The following THSD4 variants were observed in gnomAD, a reference collection of about 807,000 sequenced individuals.
THSD4 encodes the protein thrombospondin type 1 domain containing 4.
In THSD4, 69 loss-of-function variants were observed where a neutral mutation model predicts 119.0. The ratio of observed to expected loss-of-function variants is 0.58; its 90% CI spans 0.48 to 0.71. The LOEUF is 0.71. THSD4 is among the 30% of genes least tolerant of loss of function. The pLI is 0.00. For missense variants in THSD4, 1,393 were observed against 1,391.1 expected, an observed-to-expected ratio of 1.00 and a Z score of -0.02; for synonymous variants, 524 against 540.4, an observed-to-expected ratio of 0.97 and a Z score of 0.42.
At chr15:71,503,037 G>T (rs2048134712) in intron 7 of THSD4, among the ~76,000 whole-genome samples, 1 of 149,074 alleles carries the variant, frequency 6.7e-6, no homozygotes, top group Non-Finnish European at 1.5e-5. Context: ...AATTCTGTGG[G>T]TGCCATCAAT....
At position 71,574,853 on chromosome 15, in the gene THSD4, G is replaced by A. The variant is rs116472827; in HGVS notation, c.1153-85677G>A. Among the ~76,000 whole-genome samples the A allele has an allele frequency of 2.3e-3, 346 of 152,190 alleles. 4 individuals are homozygous for A. The highest frequency in any genetic ancestry group is 0.016 in the South Asian group (75 of 4,802). ...AGCCATTTTTGTAATCTACCATAGC[G>A]ATTGCCTGAAACTGTTACAATCTAG... On this transcript the variant is annotated intron_variant, in intron 7 of 17. Coordinates refer to ENST00000261862, the MANE Select transcript of THSD4 (RefSeq NM_024817.3).
At chr15:71,111,877 G>T, upstream of THSD4, 1 of 548,224 alleles carries the variant, frequency 1.8e-6, no homozygotes, top group Non-Finnish European at 3.2e-6. Flanking sequence ...AGAACTCTAG[G>T]CCCAAGAGAT....
chr15:71,692,439 C>T (rs557993609), intron 8 of THSD4, among the ~76,000 whole-genome samples: 1 of 152,228 alleles, frequency 6.6e-6, no homozygotes, highest in East Asian at 1.9e-4. Context: ...TATATTCTTC[C>T]ACTGTAGATT....
chr15:71,652,016 A>T (rs1167143745), intron 7 of THSD4, among the ~76,000 whole-genome samples: 2 of 152,224 alleles, frequency 1.3e-5, no homozygotes, highest in African/African-American at 4.8e-5. Flanking sequence ...GCATTGGTAG[A>T]CACAGGCCAT....
intron 6 of THSD4, among the ~76,000 whole-genome samples, chr15:71,346,537 G>A (rs1748855491): frequency 6.6e-6 from 1 of 152,136 alleles, no homozygotes; most frequent in Non-Finnish European, 1.5e-5. Context: ...CACTCTTTGA[G>A]CACTTCTTCA....
At chr15:71,745,816 TG>T (rs1172539908) in intron 12 of THSD4, among the ~76,000 whole-genome samples, 4 of 152,192 alleles carry the variant, frequency 2.6e-5, no homozygotes, top group African/African-American at 9.7e-5. Flanking sequence ...GGCTAATTTT[TG>T]TATTTTTTGT....
rs189908755 is a variant in THSD4 at position 71,706,671 on chromosome 15, A to G, written c.1358-21878A>G. Among the ~76,000 whole-genome samples the G allele has an allele frequency of 2.6e-5, 4 of 152,270 alleles. No individual in the cohort carries two copies. The East Asian group carries it at 7.7e-4, about 29-fold the overall frequency. On this transcript the variant is annotated intron_variant, in intron 8 of 17. Coordinates refer to ENST00000261862, the MANE Select transcript of THSD4 (RefSeq NM_024817.3). ...AGAATGCAATGCCCTGGAGGTGAAG[A>G]TGAGAGATTTGGGGAGAAGCAGTCT...
intron 7 of THSD4, among the ~76,000 whole-genome samples, chr15:71,513,925 T>C (rs1260036500): frequency 1.3e-5 from 2 of 152,310 alleles, no homozygotes; most frequent in African/African-American, 2.4e-5. Flanking sequence ...CACACAAGAA[T>C]TGATCTGTAA....
chr15:71,554,791 G>T (rs1008007731), intron 7 of THSD4, among the ~76,000 whole-genome samples: 1 of 151,756 alleles, frequency 6.6e-6, no homozygotes, highest in Non-Finnish European at 1.5e-5. Flanking sequence ...TTAGTGGAGT[G>T]ATGGTATTTG....
At chr15:71,615,638 G>T (rs2050307353) in intron 7 of THSD4, among the ~76,000 whole-genome samples, 1 of 152,032 alleles carries the variant, frequency 6.6e-6, no homozygotes, top group African/African-American at 2.4e-5. Context: ...TAGGCCCCAA[G>T]AATAATGTTA....
rs2053992925 is a variant in THSD4 at position 71,781,196 on chromosome 15, G to A, written c.*3822G>A. On this transcript the variant is annotated 3_prime_UTR_variant, in exon 18 of 18. Transcript: ENST00000261862. ...GGTGACGTGAAGTTGAAGAGCCAAT[G>A]GCTTGGGTGACACGTGCTGGATCCA... 3 of 166,784 alleles carry A rather than the reference G, an allele frequency of 1.8e-5. No homozygotes were observed. Among genetic ancestry groups the A allele is most frequent in the Admixed American group, 5.9e-5 (1 of 17,064 alleles). 10.3% of individuals were successfully genotyped at this position (166,784 alleles called of 1,614,324 possible). A position where few individuals can be genotyped will look rare whatever the true frequency, so the allele number is the denominator to read the frequency against.
At chr15:71,467,531 T>G (rs2047517228) in intron 7 of THSD4, among the ~76,000 whole-genome samples, 1 of 152,210 alleles carries the variant, frequency 6.6e-6, no homozygotes, top group Admixed American at 6.5e-5. Flanking sequence ...TCTTTTCTTG[T>G]CCCTGTGTCT....
chr15:71,226,427 T>C (rs554498663), intron 4 of THSD4, among the ~76,000 whole-genome samples: 50 of 152,300 alleles, frequency 3.3e-4, no homozygotes, highest in African/African-American at 1.2e-3. Flanking sequence ...AAAGGTTCGT[T>C]CATTTTGAAA....
intron 8 of THSD4, among the ~76,000 whole-genome samples, chr15:71,688,292 C>CTTTTTTTTTTTTTTTTTTTTTT (rs1567101664): frequency 6.6e-6 from 1 of 152,188 alleles, no homozygotes; most frequent in East Asian, 1.9e-4. Flanking sequence ...AGAACATTTT[C>CTTTTTTTTTTTTTTTTTTTTTT]CTTTCAGCCT....
intron 6 of THSD4, among the ~76,000 whole-genome samples, chr15:71,329,983 A>G (rs1406422519): frequency 6.6e-5 from 10 of 151,886 alleles, no homozygotes; most frequent in Admixed American, 6.6e-4. Flanking sequence ...GGGAGGATGA[A>G]GTGGGAGGAT....
At chr15:71,099,608 A>G (rs1335573921) in intron 1 of THSD4, among the ~76,000 whole-genome samples, 2 of 152,076 alleles carry the variant, frequency 1.3e-5, no homozygotes, top group Non-Finnish European at 2.9e-5. Context: ...ATTAGTGATT[A>G]TATGGTTTAG....
chr15:71,572,938 G>A (rs931517759), intron 7 of THSD4, among the ~76,000 whole-genome samples: 1 of 152,142 alleles, frequency 6.6e-6, no homozygotes, highest in Non-Finnish European at 1.5e-5. Flanking sequence ...ACCTGGGAAG[G>A]CATGCCAGGA....
intron 7 of THSD4, chr15:71,547,634 T>C: frequency 1.2e-6 from 1 of 849,288 alleles, no homozygotes. Flanking sequence ...TGCCTTTTCT[T>C]ATATGAAGAC....
At chr15:71,323,385 G>A (rs2045298984) in intron 6 of THSD4, among the ~76,000 whole-genome samples, 1 of 152,206 alleles carries the variant, frequency 6.6e-6, no homozygotes, top group Non-Finnish European at 1.5e-5. Context: ...TAGACACATG[G>A]TAGCAGCTTA....
Sources: gnomAD v4.1 joint callset for allele counts (sites outside exome capture counted in the v4.1 genomes callset) on GRCh38, gnomAD v4.1.1 for gene constraint, MANE v1.5 for transcripts, NCBI Gene and HGNC (gene_info 2026-07-23, HGNC 2026-07-21) for gene names.